OTOGL: variants seen among roughly 807,000 people sequenced by gnomAD.
OTOGL encodes otogelin like, also known as otogelin-like protein.
Under a neutral mutation model 318.5 loss-of-function variants are expected in OTOGL, and 285 were observed. That is an observed-to-expected ratio of 0.89 (90% CI 0.81 to 0.99). The LOEUF (loss-of-function observed/expected upper bound fraction) is 0.99. Among genes scored for constraint, OTOGL ranks in the 50% least tolerant of loss-of-function variants. The pLI, the probability that OTOGL is intolerant of heterozygous loss-of-function variation, is 0.00. For missense variants in OTOGL, 2,899 were observed against 2,845.6 expected (o/e 1.02, Z -0.43); for synonymous variants, 987 against 936.5 (o/e 1.05, Z -0.99).
chr12:80,229,590 G>A (rs563661926), intron 8 of OTOGL, among the ~76,000 whole-genome samples: 2 of 151,960 alleles, frequency 1.3e-5, no homozygotes, highest in Non-Finnish European at 2.9e-5. Flanking sequence ...CCTAATGCTT[G>A]TGTGCAGAAT....
At chr12:80,372,203 G>A in intron 57 of OTOGL, 139 bp downstream of exon 57, 1 of 529,298 alleles carries the variant, frequency 1.9e-6, no homozygotes, top group Non-Finnish European at 2.9e-6. Context: ...TGTATCGTAT[G>A]TTTTTTGTAT....
chr12:80,293,338 A>G (rs947353537), intron 26 of OTOGL, among the ~76,000 whole-genome samples: 1 of 152,248 alleles, frequency 6.6e-6, no homozygotes, highest in Non-Finnish European at 1.5e-5. Flanking sequence ...ATTTTAAGAA[A>G]TACATCCAAT....
intron 20 of OTOGL, chr12:80,265,901 C>T (rs1882921283): frequency 6.6e-6 from 1 of 152,556 alleles, no homozygotes; most frequent in East Asian, 1.9e-4. Context: ...AATGTAAATT[C>T]ATATACCAAA....
intron 1 of OTOGL, among the ~76,000 whole-genome samples, chr12:80,108,834 TTGTATATATATGTGTATATATATG>T (rs1422951386): frequency 9.5e-6 from 1 of 105,770 alleles, no homozygotes; most frequent in Non-Finnish European, 1.9e-5. Context: ...TGTATATATA[TTGTATATATATGTGTATATATATG>T]TGTATATATA....
chr12:80,224,272 T>C (rs1878620951), intron 7 of OTOGL, among the ~76,000 whole-genome samples: 1 of 151,792 alleles, frequency 6.6e-6, no homozygotes, highest in Non-Finnish European at 1.5e-5. Flanking sequence ...TCTCTGTTGT[T>C]CTATATGACT....
chr12:80,106,680 G>A (rs1869474622), intron 1 of OTOGL, among the ~76,000 whole-genome samples: 2 of 152,058 alleles, frequency 1.3e-5, no homozygotes, highest in Admixed American at 1.3e-4. Flanking sequence ...TACTCGTAAT[G>A]TATGATTCTC....
At chr12:80,150,903 T>C (rs1305975411) in intron 1 of OTOGL, among the ~76,000 whole-genome samples, 1 of 152,204 alleles carries the variant, frequency 6.6e-6, no homozygotes, top group Non-Finnish European at 1.5e-5. Context: ...TGCTAGTATT[T>C]ATAGTTTAAA....
chr12:80,121,743 G>A (rs1870502959), intron 1 of OTOGL, among the ~76,000 whole-genome samples: 2 of 152,168 alleles, frequency 1.3e-5, no homozygotes, highest in African/African-American at 4.8e-5. Flanking sequence ...CTGACATTAT[G>A]AGGATGGTAG....
intron 11 of OTOGL, among the ~76,000 whole-genome samples, chr12:80,249,452 G>T (rs1303752169): frequency 1.3e-5 from 2 of 151,580 alleles, no homozygotes; most frequent in Non-Finnish European, 2.9e-5. Context: ...CCCCTGCTGG[G>T]GGGTGCCTCC....
intron 1 of OTOGL, among the ~76,000 whole-genome samples, chr12:80,114,063 A>G (rs903222319): frequency 4.6e-5 from 7 of 151,952 alleles, no homozygotes; most frequent in Admixed American, 3.9e-4. Flanking sequence ...TTGACTCTTT[A>G]TCCAATTTGC....
intron 1 of OTOGL, among the ~76,000 whole-genome samples, chr12:80,106,086 C>T (rs1375621421): frequency 2.6e-5 from 4 of 152,200 alleles, no homozygotes; most frequent in Non-Finnish European, 4.4e-5. Flanking sequence ...ACAACTGCTG[C>T]AGTATATCCA....
At chr12:80,371,847 C>T (rs1397796574) in intron 56 of OTOGL, among the ~76,000 whole-genome samples, 172 bp from the exon 57 acceptor site, 2 of 152,058 alleles carry the variant, frequency 1.3e-5, no homozygotes, top group South Asian at 4.1e-4. Flanking sequence ...AATATCTACT[C>T]CAGATTTTAA....
At chr12:80,121,480 A>G (rs1406497584) in intron 1 of OTOGL, among the ~76,000 whole-genome samples, 1 of 152,124 alleles carries the variant, frequency 6.6e-6, no homozygotes, top group Non-Finnish European at 1.5e-5. Context: ...AGACACCATT[A>G]TATAGAAGTC....
rs774758060 is a variant in OTOGL, at chr12:80,208,083, G to A, written c.-19-1330G>A. The A allele has an allele frequency of 1.3e-4, 58 of 448,338 alleles. 1 individual carries two copies. Among genetic ancestry groups the A allele is most frequent in the Non-Finnish European group, 2.4e-4 (53 of 224,670 alleles). The allele number at this position is 448,338 out of a possible 1,614,324, so 27.8% of individuals were successfully genotyped here. ...GTGTGTACATGTGTGTGTGCTGGAG[G>A]GGGGACAGTCACATAACTACTTTAT... On this transcript the variant is annotated intron_variant, in intron 1 of 58. Transcript: ENST00000547103.
At chr12:80,311,659 T>C (rs1442232745) in intron 30 of OTOGL, among the ~76,000 whole-genome samples, 3 of 152,144 alleles carry the variant, frequency 2.0e-5, no homozygotes. Context: ...TGCCCACCTC[T>C]GCCTCCCAAA....
intron 42 of OTOGL, among the ~76,000 whole-genome samples, chr12:80,337,404 CAGAT>C (rs1888485255): frequency 6.6e-6 from 1 of 151,920 alleles, no homozygotes. Flanking sequence ...AAGAGAAGAA[CAGAT>C]AGAAGGAGTG....
chr12:80,374,122 C>T (rs912412109), intron 57 of OTOGL, among the ~76,000 whole-genome samples: 1 of 152,068 alleles, frequency 6.6e-6, no homozygotes, highest in Admixed American at 6.6e-5. Context: ...GATTAGGACT[C>T]CAAAACCAAG....
intron 1 of OTOGL, among the ~76,000 whole-genome samples, chr12:80,188,263 T>TGAGCG (rs1875432084): frequency 6.6e-6 from 1 of 151,896 alleles, no homozygotes; most frequent in Admixed American, 6.6e-5. Flanking sequence ...TAAAAAGAGG[T>TGAGCG]GAGCGGTGGT....
Position 80,355,985 on chromosome 12 carries a change from C to T in OTOGL, c.5806+37C>T, listed in dbSNP as rs767936301. ...GAAGCCTTATAGTCAATTGATTCCA[C>T]AAAATATGTTGATATTCTTTGTGAA... On this transcript the variant is annotated intron_variant, in intron 47 of 58. Coordinates refer to ENST00000547103, the MANE Select transcript of OTOGL (RefSeq NM_001378609.3). The T allele has an allele frequency of 1.1e-5, 17 of 1,576,448 alleles. No individual in the cohort carries two copies. In the African/African-American group the frequency reaches 1.6e-4, roughly 15 times the overall value.
Sources: allele counts gnomAD v4.1 joint callset (sites outside exome capture counted in the v4.1 genomes callset), GRCh38; gene constraint gnomAD v4.1.1; transcripts MANE v1.5; gene names NCBI Gene and HGNC (gene_info 2026-07-23, HGNC 2026-07-21).